Variants in OSBPL11 observed in about 807,000 individuals in gnomAD.
OSBPL11 encodes the protein oxysterol-binding protein-related protein 11.
OSBPL11 carries 33 observed loss-of-function variants against 84.4 expected under a neutral mutation model. The observed-to-expected ratio is 0.39, with a 90% CI of 0.30 to 0.52. OSBPL11 has a LOEUF of 0.52. OSBPL11 is among the 20% of genes least tolerant of loss of function. OSBPL11 has a pLI of 0.72. For missense variants in OSBPL11, 736 were observed against 901.1 expected, an observed-to-expected ratio of 0.82 and a Z score of 2.35; for synonymous variants, 276 against 310.2, an observed-to-expected ratio of 0.89 and a Z score of 1.16.
intron 2 of OSBPL11, among the ~76,000 whole-genome samples, chr3:125,580,977 A>G (rs1936414875): frequency 6.6e-6 from 1 of 152,190 alleles, no homozygotes; most frequent in African/African-American, 2.4e-5. Flanking sequence ...ATGCTGATAC[A>G]CTCTGGAAAA....
chr3:125,541,086 A>G (rs1051509345), intron 10 of OSBPL11, among the ~76,000 whole-genome samples: 1 of 152,244 alleles, frequency 6.6e-6, no homozygotes, highest in Admixed American at 6.5e-5. Flanking sequence ...AAGTACATGA[A>G]TGGGCATGGC....
intron 2 of OSBPL11, among the ~76,000 whole-genome samples, chr3:125,581,374 G>C (rs779371875): frequency 9.3e-5 from 14 of 151,082 alleles, no homozygotes; most frequent in Non-Finnish European, 1.5e-4. Flanking sequence ...TTACAGGTGT[G>C]AGTCACCTCA....
rs1446369717 is a variant in OSBPL11 at position 125,579,891 on chromosome 3, G to A, written c.383C>T (p.Ala128Val). The A allele has an allele frequency of 6.2e-7, 1 of 1,614,050 alleles. No individual in the cohort carries two copies. The highest frequency in any genetic ancestry group is 1.1e-5 in the South Asian group (1 of 91,080). ...TCTGAGTTTATATTGTTCCCCACTG[G>A]CAGCGTTTACAGTGAAGGTGTGAGA... The part of the protein sequence containing the change: ...EDSHTFTVNA[A>V]SGEQYKLRAT... Residue 128 changes from alanine (A) to valine (V), a missense_variant, in exon 3 of 13, where the codon GCC (alanine) becomes GTC (valine). Ala to Val is a moderately conservative substitution (Grantham distance 64). Coordinates refer to ENST00000296220, the MANE Select transcript of OSBPL11 (RefSeq NM_022776.5).
At chr3:125,561,501 C>T (rs1005946431) in intron 7 of OSBPL11, among the ~76,000 whole-genome samples, 13 of 152,170 alleles carry the variant, frequency 8.5e-5, no homozygotes, top group African/African-American at 3.1e-4. Context: ...CAGTCAGTCA[C>T]AAATCCAATT....
chr3:125,550,961 A>T (rs888441019), intron 9 of OSBPL11, among the ~76,000 whole-genome samples: 1 of 152,098 alleles, frequency 6.6e-6, no homozygotes, highest in African/African-American at 2.4e-5. Flanking sequence ...GGAGTTCATG[A>T]CCAGCCTGGG....
intron 6 of OSBPL11, among the ~76,000 whole-genome samples, chr3:125,564,186 A>G (rs1936119806): frequency 3.3e-5 from 5 of 152,200 alleles, no homozygotes. Context: ...AAAATATGCA[A>G]TTAGGCTTTA....
intron 11 of OSBPL11, among the ~76,000 whole-genome samples, chr3:125,536,018 C>T (rs1288797182): frequency 6.6e-6 from 1 of 151,250 alleles, no homozygotes; most frequent in African/African-American, 2.4e-5. Context: ...ACCTGTAATC[C>T]CAGCTACTTG....
chr3:125,548,162 A>C (rs1471669355), intron 9 of OSBPL11, among the ~76,000 whole-genome samples: 2 of 152,234 alleles, frequency 1.3e-5, no homozygotes, highest in Non-Finnish European at 2.9e-5. Flanking sequence ...TACAGGCGTG[A>C]GCCACTGTGC....
At chr3:125,532,055 A>G (rs56256275) in intron 11 of OSBPL11, 41 bp from the exon 12 acceptor site, 141,729 of 1,566,302 alleles carry the variant, frequency 0.09, 6,962 homozygotes, top group Non-Finnish European at 0.1. Flanking sequence ...CATTCTTTAA[A>G]AGAGATAATT....
At position 125,552,141 on chromosome 3, in the gene OSBPL11, G is replaced by GTA. The variant is rs10541213; in HGVS notation, c.1654+38_1654+39dup. Reference sequence around the variant, plus strand: ...AAAATACATATATATATGTGTGTGTGTATATATATATATATATATAAAATA... The same window carrying GTA: ...AAAATACATATATATATGTGTGTGTGTATATATATATATATATATATAAAATA... On this transcript the variant is annotated intron_variant, in intron 9 of 12. Coordinates refer to ENST00000296220, the MANE Select transcript of OSBPL11 (RefSeq NM_022776.5). 9.6e-3 allele frequency: 8,262 copies of GTA among 862,602 alleles called. 8 individuals carry two copies. The highest frequency in any genetic ancestry group is 0.011 in the Non-Finnish European group (7,118 of 632,052). 53.4% of individuals were successfully genotyped at this position (862,602 alleles called of 1,614,324 possible). A position where few individuals can be genotyped will look rare whatever the true frequency, so the allele number is the denominator to read the frequency against.
chr3:125,573,796 T>C (rs1258361479), intron 5 of OSBPL11, among the ~76,000 whole-genome samples: 2 of 134,670 alleles, frequency 1.5e-5, no homozygotes, highest in Non-Finnish European at 3.0e-5. Context: ...CACTTGAACC[T>C]GGGAGGCAGA....
intron 8 of OSBPL11, among the ~76,000 whole-genome samples, chr3:125,558,770 G>C (rs1936030826): frequency 6.6e-6 from 1 of 152,172 alleles, no homozygotes. Flanking sequence ...TGGGAACAGA[G>C]AAAACTGGCC....
chr3:125,532,875 T>A (rs1429232776), intron 11 of OSBPL11, among the ~76,000 whole-genome samples: 2 of 151,808 alleles, frequency 1.3e-5, no homozygotes, highest in African/African-American at 4.8e-5. Context: ...GAACCACTGA[T>A]ACATGCAATT....
At chr3:125,536,234 C>G (rs1454942429) in intron 11 of OSBPL11, among the ~76,000 whole-genome samples, 1 of 151,906 alleles carries the variant, frequency 6.6e-6, no homozygotes, top group Admixed American at 6.6e-5. Flanking sequence ...CATACTGTTT[C>G]AAAACTCGAC....
chr3:125,536,084 G>A lies in OSBPL11; in HGVS notation c.2024+2367C>T, dbSNP rs370335806. Among the ~76,000 whole-genome samples, 15 of 147,304 alleles carry A rather than the reference G, an allele frequency of 1.0e-4. 1 individual carries two copies. In the South Asian group the frequency reaches 1.3e-3, roughly 12 times the overall value. On this transcript the variant is annotated intron_variant, in intron 11 of 12. Transcript: ENST00000296220. The stretch of plus-strand genomic sequence containing the variant: ...CAGGAGGCAGAGGTTGCAGTGAGCC[G>A]AGATCATGCCACTGCACTCCAACTT...
chr3:125,540,287 C>T (rs1339627523), intron 10 of OSBPL11, among the ~76,000 whole-genome samples: 1 of 133,690 alleles, frequency 7.5e-6, no homozygotes, highest in Non-Finnish European at 1.5e-5. Context: ...CAAGATTGCA[C>T]TATTGCACTC....
chr3:125,538,440 G>C lies in OSBPL11; in HGVS notation c.2024+11C>G. On this transcript the variant is annotated intron_variant, in intron 11 of 12. Transcript: ENST00000296220. ...CTGACTCTTTCCTGGATAGATGCAA[G>C]GATGACATACCTGGATTCAAATGGA... The C allele has an allele frequency of 6.2e-7, 1 of 1,610,542 alleles. No homozygotes were observed. Among genetic ancestry groups the C allele is most frequent in the Non-Finnish European group, 8.5e-7 (1 of 1,178,098 alleles).
intron 5 of OSBPL11, among the ~76,000 whole-genome samples, chr3:125,568,089 T>C (rs948488762): frequency 6.6e-6 from 1 of 151,278 alleles, no homozygotes; most frequent in African/African-American, 2.4e-5. Flanking sequence ...TGCTTATCAA[T>C]TGGGCAAAAG....
intron 6 of OSBPL11, among the ~76,000 whole-genome samples, chr3:125,566,573 G>A (rs1359272710): frequency 6.6e-6 from 1 of 152,012 alleles, no homozygotes; most frequent in Non-Finnish European, 1.5e-5. Flanking sequence ...TTATGAGTAA[G>A]GTGAATTAGT....
Sources: gnomAD v4.1 joint callset for allele counts (sites outside exome capture counted in the v4.1 genomes callset) on GRCh38, gnomAD v4.1.1 for gene constraint, MANE v1.5 for transcripts, NCBI Gene and HGNC (gene_info 2026-07-23, HGNC 2026-07-21) for gene names.